FRMPD4: variants seen among roughly 807,000 people sequenced by gnomAD.
FRMPD4 encodes the protein FERM and PDZ domain containing 4, also known as FERM and PDZ domain-containing protein 4.
In FRMPD4, 22 loss-of-function variants were observed where a neutral mutation model predicts 94.1. That is an observed-to-expected ratio of 0.23 (90% confidence interval 0.17 to 0.33). The LOEUF (loss-of-function observed/expected upper bound fraction) is 0.33, where lower values mean the gene tolerates loss of function less well. Ranked by LOEUF, FRMPD4 falls within the 10% of genes least tolerant of loss-of-function variation. FRMPD4 has a pLI of 1.00. For missense variants in FRMPD4, 1,111 were observed against 1,339.9 expected (o/e 0.83, Z 2.67); for synonymous variants, 631 against 548.6 (o/e 1.15, Z -2.10).
chrX:12,255,926 G>C, intron 1 of FRMPD4, among the ~76,000 whole-genome samples: 1 of 112,158 alleles, frequency 8.9e-6, no homozygotes. Context: ...GTAATGGTCT[G>C]GTCATTCTCT....
intron 1 of FRMPD4, among the ~76,000 whole-genome samples, chrX:12,362,816 C>T (rs1316421674): frequency 8.9e-6 from 1 of 111,849 alleles, no homozygotes; most frequent in African/African-American, 3.3e-5. Context: ...GTTTACAGTC[C>T]CACCAACAGT....
intron 2 of FRMPD4, among the ~76,000 whole-genome samples, chrX:12,564,894 C>A (rs2058696944): frequency 9.0e-6 from 1 of 110,731 alleles, no homozygotes; most frequent in Non-Finnish European, 1.9e-5. Context: ...CTGAAAAGTT[C>A]TCAGTGGCCA....
intron 2 of FRMPD4, among the ~76,000 whole-genome samples, chrX:12,556,773 C>T (rs771200133): frequency 1.8e-5 from 2 of 112,089 alleles, no homozygotes; most frequent in South Asian, 3.8e-4. Context: ...CAATGGAAAA[C>T]TTCCCCTTCA....
intron 1 of FRMPD4, among the ~76,000 whole-genome samples, chrX:11,848,832 T>C (rs1361228191): frequency 8.9e-6 from 1 of 111,839 alleles, no homozygotes; most frequent in Non-Finnish European, 1.9e-5. Flanking sequence ...ATATTCAATA[T>C]GTTCTATAGC....
chrX:12,557,750 AC>A (rs36035131), intron 2 of FRMPD4, among the ~76,000 whole-genome samples: 35 of 109,168 alleles, frequency 3.2e-4, no homozygotes, highest in Non-Finnish European at 6.1e-4. Context: ...TGAATGCTGG[AC>A]CCCCCCTCCC....
intron 3 of FRMPD4, among the ~76,000 whole-genome samples, chrX:12,034,484 G>A (rs2054709483): frequency 8.9e-6 from 1 of 111,901 alleles, no homozygotes; most frequent in Non-Finnish European, 1.9e-5. Flanking sequence ...ATTGTCATCT[G>A]CTGCTTCCTT....
chrX:12,136,927 A>G (rs1444011724), upstream of FRMPD4, among the ~76,000 whole-genome samples: 1 of 104,744 alleles, frequency 9.5e-6, no homozygotes, highest in African/African-American at 3.5e-5. Context: ...ACACACACAT[A>G]CACACACACA....
intron 3 of FRMPD4, among the ~76,000 whole-genome samples, chrX:11,879,388 C>T (rs1209896115): frequency 9.0e-6 from 1 of 111,305 alleles, no homozygotes; most frequent in African/African-American, 3.3e-5. Flanking sequence ...AGATTCAGCT[C>T]CAAGCTCACT....
At chrX:12,001,791 T>C (rs953031364) in intron 3 of FRMPD4, among the ~76,000 whole-genome samples, 1 of 112,359 alleles carries the variant, frequency 8.9e-6, no homozygotes, top group Non-Finnish European at 1.9e-5. Context: ...TCCCTATAAA[T>C]GAATTCTTTA....
chrX:12,493,347 C>A (rs2057810907), intron 1 of FRMPD4, among the ~76,000 whole-genome samples: 1 of 111,452 alleles, frequency 9.0e-6, no homozygotes, highest in African/African-American at 3.3e-5. Context: ...TGAAAATAAT[C>A]TTTGTGAGTC....
At chrX:12,104,149 ATAT>A (rs1444885985) in intron 3 of FRMPD4, among the ~76,000 whole-genome samples, 1 of 112,444 alleles carries the variant, frequency 8.9e-6, no homozygotes. Flanking sequence ...TCCTGTGATA[ATAT>A]TATTAATTCA....
intron 1 of FRMPD4, among the ~76,000 whole-genome samples, chrX:12,241,176 G>A (rs1447017365): frequency 8.9e-6 from 1 of 112,309 alleles, no homozygotes; most frequent in Non-Finnish European, 1.9e-5. Context: ...CCCACCAAAA[G>A]CAGTGTATAA....
intron 1 of FRMPD4, among the ~76,000 whole-genome samples, chrX:12,167,751 A>C (rs776342987): frequency 1.8e-5 from 2 of 112,204 alleles, no homozygotes; most frequent in South Asian, 3.8e-4. Flanking sequence ...TTTGTTTCCA[A>C]CAGCTATTGG....
chrX:12,417,740 T>C (rs2148077579), intron 1 of FRMPD4, among the ~76,000 whole-genome samples: 1 of 108,972 alleles, frequency 9.2e-6, no homozygotes, highest in Non-Finnish European at 1.9e-5. Context: ...CCAGGCACGG[T>C]GGCTCAAGCC....
chrX:12,603,042 G>C (rs113839636), intron 2 of FRMPD4, among the ~76,000 whole-genome samples: 3,215 of 111,860 alleles, frequency 0.029, 110 homozygotes, highest in African/African-American at 0.1. Flanking sequence ...ACACAGACCA[G>C]TGCTACCAAG....
chrX:12,531,755 A>G (rs1390058868), intron 2 of FRMPD4, among the ~76,000 whole-genome samples: 1 of 110,975 alleles, frequency 9.0e-6, no homozygotes. Context: ...GTGATTTTAT[A>G]TTATCTATCC....
chrX:12,353,301 A>G (rs1271123893), intron 1 of FRMPD4, among the ~76,000 whole-genome samples: 1 of 112,335 alleles, frequency 8.9e-6, no homozygotes, highest in Non-Finnish European at 1.9e-5. Flanking sequence ...AGCCGATTCT[A>G]GAGGCTGTGC....
At chrX:12,535,346 A>C (rs2058328157) in intron 2 of FRMPD4, among the ~76,000 whole-genome samples, 1 of 111,902 alleles carries the variant, frequency 8.9e-6, no homozygotes, top group Non-Finnish European at 1.9e-5. Flanking sequence ...AAATGGACTA[A>C]TATAGGGCCT....
chrX:12,439,386 G>A (rs776242573), intron 1 of FRMPD4, among the ~76,000 whole-genome samples: 2 of 111,249 alleles, frequency 1.8e-5, no homozygotes, highest in Non-Finnish European at 3.8e-5. Context: ...TTGCAAATAG[G>A]GTCAAATCTC....
Sources: gnomAD v4.1 joint callset for allele counts (sites outside exome capture counted in the v4.1 genomes callset) on GRCh38, gnomAD v4.1.1 for gene constraint, MANE v1.5 for transcripts, NCBI Gene and HGNC (gene_info 2026-07-23, HGNC 2026-07-21) for gene names.